Variants in CNTNAP5 observed in about 807,000 individuals in gnomAD.
CNTNAP5 encodes the protein contactin associated protein family member 5.
CNTNAP5 carries 72 observed loss-of-function variants against 150.2 expected under a neutral mutation model. That is an observed-to-expected ratio of 0.48 (90% CI 0.40 to 0.58). The LOEUF is 0.58. Ranked by LOEUF, CNTNAP5 falls within the 20% of genes least tolerant of loss-of-function variation. The pLI, the probability that CNTNAP5 is intolerant of heterozygous loss-of-function variation, is 0.00. For synonymous variants in CNTNAP5, 672 were observed against 619.8 expected (o/e 1.08, Z -1.25); for missense variants, 1,636 against 1,626.2 (o/e 1.01, Z -0.10).
chr2:124,577,586 G>A (rs936470480), intron 11 of CNTNAP5, among the ~76,000 whole-genome samples: 2 of 152,080 alleles, frequency 1.3e-5, no homozygotes, highest in Admixed American at 6.5e-5. Context: ...CTGTTCTCAA[G>A]GACTTTAAAA....
At chr2:124,183,599 T>A (rs1460745441) in intron 1 of CNTNAP5, among the ~76,000 whole-genome samples, 1 of 152,232 alleles carries the variant, frequency 6.6e-6, no homozygotes, top group Non-Finnish European at 1.5e-5. Flanking sequence ...CTACAGTCTG[T>A]CCTTTCTTAT....
intron 6 of CNTNAP5, among the ~76,000 whole-genome samples, chr2:124,462,042 A>G (rs1464203729): frequency 1.3e-5 from 2 of 152,126 alleles, no homozygotes; most frequent in Non-Finnish European, 2.9e-5. Context: ...TAACCACCCA[A>G]AACAGCCCTG....
At chr2:124,805,909 C>T (rs571559491) in intron 19 of CNTNAP5, among the ~76,000 whole-genome samples, 1 of 152,266 alleles carries the variant, frequency 6.6e-6, no homozygotes, top group Non-Finnish European at 1.5e-5. Flanking sequence ...GGACACTAAT[C>T]CTATAGGATG....
chr2:124,640,517 C>A (rs1678068896), intron 12 of CNTNAP5, among the ~76,000 whole-genome samples: 1 of 152,130 alleles, frequency 6.6e-6, no homozygotes, highest in Non-Finnish European at 1.5e-5. Context: ...CTAAAAGCAG[C>A]CACGTCTGCC....
intron 5 of CNTNAP5, among the ~76,000 whole-genome samples, chr2:124,435,884 C>G (rs907679529): frequency 1.3e-5 from 2 of 152,024 alleles, no homozygotes; most frequent in Admixed American, 1.3e-4. Flanking sequence ...AAATTGACAC[C>G]TAATATATTA....
chr2:124,663,950 G>T (rs1326331031), intron 13 of CNTNAP5, among the ~76,000 whole-genome samples: 1 of 152,104 alleles, frequency 6.6e-6, no homozygotes, highest in African/African-American at 2.4e-5. Flanking sequence ...TGGTAAAATT[G>T]AAATACAAAT....
intron 14 of CNTNAP5, among the ~76,000 whole-genome samples, chr2:124,757,135 C>T (rs1256178647): frequency 6.6e-6 from 1 of 152,072 alleles, no homozygotes; most frequent in Non-Finnish European, 1.5e-5. Context: ...TAAAATTCAC[C>T]ATGTAACTGA....
chr2:124,554,595 A>T (rs1695709364), intron 10 of CNTNAP5, among the ~76,000 whole-genome samples: 1 of 151,768 alleles, frequency 6.6e-6, no homozygotes, highest in Non-Finnish European at 1.5e-5. Flanking sequence ...TAATATTTGA[A>T]TTTTTTTGTA....
intron 16 of CNTNAP5, 48 bp downstream of exon 16, chr2:124,764,195 T>C (rs746083669): frequency 6.6e-7 from 1 of 1,505,642 alleles, no homozygotes; most frequent in Non-Finnish European, 9.2e-7. Flanking sequence ...AACAAACAAG[T>C]TTTAGTCTTG....
intron 1 of CNTNAP5, among the ~76,000 whole-genome samples, chr2:124,192,769 A>T (rs1685489874): frequency 1.3e-5 from 2 of 152,004 alleles, no homozygotes; most frequent in South Asian, 4.2e-4. Flanking sequence ...ACCCTATTGA[A>T]TATTAAACCT....
At chr2:124,869,129 T>C (rs1173117089) in intron 20 of CNTNAP5, among the ~76,000 whole-genome samples, 1 of 152,164 alleles carries the variant, frequency 6.6e-6, no homozygotes, top group East Asian at 1.9e-4. Flanking sequence ...TGGTTGCAGC[T>C]AACTGTTCAG....
intron 1 of CNTNAP5, among the ~76,000 whole-genome samples, chr2:124,063,559 T>C (rs956656300): frequency 2.0e-5 from 3 of 152,158 alleles, no homozygotes; most frequent in Admixed American, 2.0e-4. Context: ...AAATGACAAT[T>C]ATGGAAGTAC....
chr2:124,160,458 A>G (rs1330364723), intron 1 of CNTNAP5, among the ~76,000 whole-genome samples: 1 of 152,040 alleles, frequency 6.6e-6, no homozygotes, highest in Non-Finnish European at 1.5e-5. Context: ...TCTCCCCAAC[A>G]ATAAGCTCTT....
intron 6 of CNTNAP5, among the ~76,000 whole-genome samples, chr2:124,467,980 T>G (rs1361217679): frequency 6.6e-6 from 1 of 152,144 alleles, no homozygotes; most frequent in Non-Finnish European, 1.5e-5. Flanking sequence ...CTCTGTACTT[T>G]TTTCCTCTTC....
intron 12 of CNTNAP5, among the ~76,000 whole-genome samples, chr2:124,641,126 CAAAAAAAAAAAAA>C (rs78602781): frequency 1.0e-5 from 1 of 98,504 alleles, no homozygotes; most frequent in Non-Finnish European, 1.9e-5. Context: ...AACTCCATCT[CAAAAAAAAAAAAA>C]AAAAAAAAAG....
intron 22 of CNTNAP5, among the ~76,000 whole-genome samples, chr2:124,905,189 A>G (rs1678510384): frequency 6.7e-6 from 1 of 150,046 alleles, no homozygotes; most frequent in Admixed American, 6.6e-5. Context: ...GGTGCTTAAC[A>G]TCACTGATCG....
chr2:124,076,283 T>C (rs61496016), intron 1 of CNTNAP5, among the ~76,000 whole-genome samples: 1,979 of 152,290 alleles, frequency 0.013, 46 homozygotes, highest in African/African-American at 0.045. Flanking sequence ...GCAGCAGCTC[T>C]GGTTAATCAA....
At chr2:124,520,197 T>A (rs771688376) in intron 8 of CNTNAP5, among the ~76,000 whole-genome samples, 3 of 152,220 alleles carry the variant, frequency 2.0e-5, no homozygotes, top group Non-Finnish European at 2.9e-5. Flanking sequence ...GACATTATGA[T>A]GTTTAATGAC....
chr2:124,374,950 A>C (rs1476003159), intron 3 of CNTNAP5, among the ~76,000 whole-genome samples: 1 of 152,134 alleles, frequency 6.6e-6, no homozygotes, highest in Non-Finnish European at 1.5e-5. Flanking sequence ...AAAATAAATC[A>C]TGGCTATATC....
Sources: allele counts gnomAD v4.1 joint callset (sites outside exome capture counted in the v4.1 genomes callset), GRCh38; gene constraint gnomAD v4.1.1; transcripts MANE v1.5; gene names NCBI Gene and HGNC (gene_info 2026-07-23, HGNC 2026-07-21).